LRP1B: variants seen among roughly 807,000 people sequenced by gnomAD.
LRP1B encodes the protein LDL receptor related protein 1B.
LRP1B carries 217 observed loss-of-function variants against 556.6 expected under a neutral mutation model. The ratio of observed to expected loss-of-function variants is 0.39; its 90% CI spans 0.35 to 0.44. LRP1B has a LOEUF of 0.44. Among genes scored for constraint, LRP1B ranks in the 20% least tolerant of loss-of-function variants. The pLI is 1.00. For synonymous variants in LRP1B, 2,047 were observed against 1,865.8 expected (o/e 1.10, Z -2.50); for missense variants, 5,053 against 5,620.8 (o/e 0.90, Z 3.23).
At chr2:141,714,106 T>C (rs1214475289) in intron 2 of LRP1B, among the ~76,000 whole-genome samples, 1 of 152,108 alleles carries the variant, frequency 6.6e-6, no homozygotes, top group Non-Finnish European at 1.5e-5. Context: ...ACTCATAACA[T>C]CACCAAAGAT....
chr2:140,794,313 C>G (rs1690223072), intron 32 of LRP1B, among the ~76,000 whole-genome samples: 1 of 152,014 alleles, frequency 6.6e-6, no homozygotes, highest in Non-Finnish European at 1.5e-5. Flanking sequence ...ATCAGACAGG[C>G]ACACAGTGAA....
intron 46 of LRP1B, among the ~76,000 whole-genome samples, chr2:140,535,171 G>A (rs1690894881): frequency 6.6e-6 from 1 of 152,112 alleles, no homozygotes; most frequent in Non-Finnish European, 1.5e-5. Flanking sequence ...ATATTTACCA[G>A]CTGAACCTTT....
At chr2:141,212,580 G>A (rs1053292887) in intron 6 of LRP1B, among the ~76,000 whole-genome samples, 1 of 151,532 alleles carries the variant, frequency 6.6e-6, no homozygotes, top group African/African-American at 2.4e-5. Context: ...GACCATGCCG[G>A]CCAAAAAGTC....
chr2:140,871,775 T>C (rs1339557885), intron 25 of LRP1B, among the ~76,000 whole-genome samples: 1 of 152,158 alleles, frequency 6.6e-6, no homozygotes, highest in African/African-American at 2.4e-5. Context: ...GTTTGATAGC[T>C]AAGGGTCTGC....
intron 1 of LRP1B, among the ~76,000 whole-genome samples, chr2:141,813,156 G>A (rs1336704790): frequency 6.6e-6 from 1 of 152,078 alleles, no homozygotes; most frequent in Admixed American, 6.6e-5. Flanking sequence ...ATACGATAAT[G>A]AAAATAAATA....
rs367769960 is a variant in LRP1B, at chr2:141,584,981, A to AAATG, written c.206-104452_206-104449dup. Reference sequence around the variant, plus strand: ...AGGTTCTGGAGAGCTGACTCACAAAAAATGTGAATATATTTAACACTACTG... The same window carrying AAATG: ...AGGTTCTGGAGAGCTGACTCACAAAAAATGAATGTGAATATATTTAACACTACTG... On this transcript the variant is annotated intron_variant, in intron 2 of 90. Transcript: ENST00000389484. Among the ~76,000 whole-genome samples, 1,214 of 152,264 alleles carry AAATG rather than the reference A, an allele frequency of 8.0e-3. 22 individuals carry two copies. Among genetic ancestry groups the AAATG allele is most frequent in the African/African-American group, 0.025 (1,038 of 41,524 alleles).
chr2:140,639,822 A>C (rs991129332), intron 41 of LRP1B, among the ~76,000 whole-genome samples: 1 of 151,954 alleles, frequency 6.6e-6, no homozygotes, highest in Admixed American at 6.6e-5. Flanking sequence ...TTCTGACCTA[A>C]TCAACTCTCA....
intron 72 of LRP1B, among the ~76,000 whole-genome samples, chr2:140,359,870 A>G (rs1479685375): frequency 6.6e-6 from 1 of 151,524 alleles, no homozygotes; most frequent in Non-Finnish European, 1.5e-5. Context: ...TCATTCAGTT[A>G]GTGGCATATC....
At chr2:141,248,256 C>T (rs1684139715) in intron 4 of LRP1B, among the ~76,000 whole-genome samples, 1 of 152,078 alleles carries the variant, frequency 6.6e-6, no homozygotes, top group African/African-American at 2.4e-5. Context: ...TATATTCAGC[C>T]TGTTTTATGT....
At chr2:141,616,982 G>A (rs1255398449) in intron 2 of LRP1B, among the ~76,000 whole-genome samples, 3 of 152,240 alleles carry the variant, frequency 2.0e-5, no homozygotes, top group African/African-American at 4.8e-5. Flanking sequence ...TGGGCAATCA[G>A]ACTTACTCTT....
chr2:140,533,667 A>G (rs1001989851), intron 47 of LRP1B, among the ~76,000 whole-genome samples: 2 of 152,156 alleles, frequency 1.3e-5, no homozygotes, highest in African/African-American at 4.8e-5. Context: ...AGTGGTTAGG[A>G]AAATGTGATC....
In LRP1B at chr2:140,744,092, G is replaced by A. The variant is rs554806657; in HGVS notation, c.5758+25121C>T. 5.4e-5 allele frequency among the ~76,000 whole-genome samples: 8 copies of A among 149,314 alleles called. No individual in the cohort carries two copies. The South Asian group carries it at 1.7e-3, about 32-fold the overall frequency. ...AAAGGGTATAAACCCGCGGTTATAAGATAAACAGGTTCTGGGGATCTAAGG... is the reference window on the plus strand; with the variant it reads ...AAAGGGTATAAACCCGCGGTTATAAAATAAACAGGTTCTGGGGATCTAAGG... On this transcript the variant is annotated intron_variant, in intron 35 of 90. Coordinates refer to ENST00000389484, the MANE Select transcript of LRP1B (RefSeq NM_018557.3).
chr2:141,024,493 C>T (rs1205359281), intron 11 of LRP1B, among the ~76,000 whole-genome samples: 2 of 151,962 alleles, frequency 1.3e-5, no homozygotes, highest in African/African-American at 4.8e-5. Flanking sequence ...TCAGGGGATA[C>T]AGATCATCAC....
chr2:142,014,236 C>T (rs895960704), intron 1 of LRP1B, among the ~76,000 whole-genome samples: 12 of 147,446 alleles, frequency 8.1e-5, no homozygotes, highest in African/African-American at 2.4e-4. Flanking sequence ...CTTTCTTGCA[C>T]GAGATCGAAG....
At chr2:140,534,570 G>T (rs991937936) in intron 46 of LRP1B, among the ~76,000 whole-genome samples, 1 of 152,062 alleles carries the variant, frequency 6.6e-6, no homozygotes, top group Non-Finnish European at 1.5e-5. Flanking sequence ...AACAAAGCAC[G>T]TATTCCTGAA....
intron 59 of LRP1B, among the ~76,000 whole-genome samples, chr2:140,480,492 G>C (rs777933294): frequency 6.6e-6 from 1 of 151,994 alleles, no homozygotes; most frequent in African/African-American, 2.4e-5. Context: ...CCAGGCTAGA[G>C]TAAAGTGGCG....
intron 41 of LRP1B, among the ~76,000 whole-genome samples, chr2:140,658,055 G>C (rs901241144): frequency 6.6e-6 from 1 of 151,976 alleles, no homozygotes; most frequent in African/African-American, 2.4e-5. Context: ...ACATTCATAA[G>C]TTAATATCTA....
At position 142,086,341 on chromosome 2, in the gene LRP1B, C is replaced by T. The variant is rs1392178672; in HGVS notation, c.82+44307G>A. On this transcript the variant is annotated intron_variant, in intron 1 of 90. Coordinates refer to ENST00000389484, the MANE Select transcript of LRP1B (RefSeq NM_018557.3). ...TTCTAGCAGTTAGTCTCTTAAAAAA[C>T]GGCTCACGCCTGTAATCCCAGCACT... Among the ~76,000 whole-genome samples, 4 of 152,010 alleles carry T rather than the reference C, an allele frequency of 2.6e-5. No homozygotes were observed. The South Asian group carries it at 6.2e-4, about 24-fold the overall frequency.
chr2:141,942,504 CAAAAAAA>C (rs755297133), intron 1 of LRP1B, among the ~76,000 whole-genome samples: 65 of 150,886 alleles, frequency 4.3e-4, no homozygotes, highest in Non-Finnish European at 7.1e-4. Context: ...AAAAACAAAA[CAAAAAAA>C]AAAACAAAAA....
Sources: allele counts gnomAD v4.1 joint callset (sites outside exome capture counted in the v4.1 genomes callset), GRCh38; gene constraint gnomAD v4.1.1; transcripts MANE v1.5; gene names NCBI Gene and HGNC (gene_info 2026-07-23, HGNC 2026-07-21).